AGBL1: variants seen among roughly 807,000 people sequenced by gnomAD.
The protein encoded by AGBL1 is cytosolic carboxypeptidase 4.
A neutral mutation model predicts 118.9 loss-of-function variants in AGBL1; 130 were observed. The observed-to-expected ratio is 1.09, with a 90% confidence interval of 0.95 to 1.26. The LOEUF is 1.26. AGBL1 is among the 50% of genes most tolerant of loss of function. AGBL1 has a pLI of 0.00. For missense variants in AGBL1, 1,584 were observed against 1,298.1 expected, an observed-to-expected ratio of 1.22 and a Z score of -3.38; for synonymous variants, 555 against 478.9, an observed-to-expected ratio of 1.16 and a Z score of -2.08.
chr15:86,630,837 G>A (rs1034585474), intron 21 of AGBL1, among the ~76,000 whole-genome samples: 2 of 152,218 alleles, frequency 1.3e-5, no homozygotes, highest in Non-Finnish European at 2.9e-5. Flanking sequence ...GTAGAGGTAA[G>A]TAAAAGCAAA....
intron 6 of AGBL1, among the ~76,000 whole-genome samples, chr15:86,245,907 G>C (rs1346672572): frequency 6.7e-6 from 1 of 149,940 alleles, no homozygotes; most frequent in African/African-American, 2.5e-5. Flanking sequence ...TTCTTTCTTT[G>C]TTTTTTTTTC....
chr15:86,554,600 A>G, intron 21 of AGBL1, 63 bp downstream of exon 21: 1 of 1,353,700 alleles, frequency 7.4e-7, no homozygotes, highest in Non-Finnish European at 9.6e-7. Flanking sequence ...AATTATAGAC[A>G]GCTCGTACCT....
intron 17 of AGBL1, among the ~76,000 whole-genome samples, chr15:86,393,939 A>T (rs1208462042): frequency 6.6e-6 from 1 of 152,174 alleles, no homozygotes; most frequent in Non-Finnish European, 1.5e-5. Flanking sequence ...GTGAAGACAC[A>T]GTAAAAAGAA....
intron 18 of AGBL1, among the ~76,000 whole-genome samples, chr15:86,466,608 A>C (rs922703367): frequency 1.3e-5 from 2 of 151,852 alleles, no homozygotes; most frequent in Non-Finnish European, 2.9e-5. Context: ...TTTTGTGCTG[A>C]TTTTTCCTCA....
intron 22 of AGBL1, among the ~76,000 whole-genome samples, chr15:86,723,428 TCTCA>T (rs2086765894): frequency 6.6e-6 from 1 of 152,100 alleles, no homozygotes; most frequent in African/African-American, 2.4e-5. Context: ...CACCACATGT[TCTCA>T]CTCCTAGGTG....
At chr15:86,786,248 C>T (rs1195668263) in intron 22 of AGBL1, among the ~76,000 whole-genome samples, 2 of 151,888 alleles carry the variant, frequency 1.3e-5, no homozygotes, top group East Asian at 3.9e-4. Flanking sequence ...TAAAGCTATC[C>T]CTCCCCCTTC....
chr15:86,554,745 C>A (rs2083709317), intron 21 of AGBL1, among the ~76,000 whole-genome samples: 1 of 152,120 alleles, frequency 6.6e-6, no homozygotes, highest in African/African-American at 2.4e-5. Context: ...GCATGCTTTC[C>A]AATTTGGTTC....
chr15:86,365,544 GT>G, intron 17 of AGBL1, among the ~76,000 whole-genome samples: 1 of 152,240 alleles, frequency 6.6e-6, no homozygotes, highest in Middle Eastern at 3.4e-3. Flanking sequence ...CGGAGAGTGG[GT>G]AATTGAATTT....
chr15:86,143,451 C>T lies in AGBL1; in HGVS notation c.116-248C>T, dbSNP rs148060268. Reference sequence around the variant, plus strand: ...TATTCAACAGAATCTCAGATAAGCTCTATTTATTACAGCTGTTGCAGCTGA... The same window carrying T: ...TATTCAACAGAATCTCAGATAAGCTTTATTTATTACAGCTGTTGCAGCTGA... On this transcript the variant is annotated intron_variant, in intron 2 of 22. Transcript: ENST00000614907. Among the ~76,000 whole-genome samples, 3 of 152,282 alleles carry T rather than the reference C, an allele frequency of 2.0e-5. No homozygotes were observed. In the South Asian group the frequency reaches 6.2e-4, roughly 32 times the overall value.
chr15:86,707,017 G>A (rs1388899010), intron 22 of AGBL1, among the ~76,000 whole-genome samples: 1 of 152,114 alleles, frequency 6.6e-6, no homozygotes, highest in Non-Finnish European at 1.5e-5. Context: ...TGATAATGAT[G>A]ATGCAACATG....
intron 18 of AGBL1, among the ~76,000 whole-genome samples, chr15:86,417,051 C>A (rs972127886): frequency 6.6e-6 from 1 of 152,182 alleles, no homozygotes; most frequent in Admixed American, 6.6e-5. Flanking sequence ...GAGAACTTAA[C>A]GTCTAGTTCA....
intron 23 of AGBL1, among the ~76,000 whole-genome samples, chr15:86,964,991 G>A (rs190955831): frequency 1.8e-4 from 27 of 152,128 alleles, no homozygotes; most frequent in East Asian, 1.2e-3. Context: ...ATAGTATTCC[G>A]TGGTGTATAT....
Position 86,655,805 on chromosome 15 carries a change from A to G in AGBL1, c.2995-18468A>G, listed in dbSNP as rs184191315. 1.3e-3 allele frequency among the ~76,000 whole-genome samples: 203 copies of G among 152,260 alleles called. 2 individuals carry two copies. In the Middle Eastern group the frequency reaches 0.017, roughly 13 times the overall value. On this transcript the variant is annotated intron_variant, in intron 21 of 22. Coordinates refer to ENST00000614907, the MANE Select transcript of AGBL1 (RefSeq NM_001386094.1). ...CATTAGGAGGAGAAATACCTGGGAG[A>G]GGTGGAGTAGGGATAAACATTATGA...
At chr15:86,594,748 A>G (rs2084383448) in intron 21 of AGBL1, among the ~76,000 whole-genome samples, 1 of 152,240 alleles carries the variant, frequency 6.6e-6, no homozygotes, top group African/African-American at 2.4e-5. Flanking sequence ...ATTGGAACAT[A>G]GTTTTACATC....
intron 17 of AGBL1, among the ~76,000 whole-genome samples, chr15:86,384,806 C>T (rs766996241): frequency 2.0e-5 from 3 of 151,898 alleles, no homozygotes; most frequent in Non-Finnish European, 2.9e-5. Context: ...AATAAGAAGG[C>T]GAGATTACCC....
intron 1 of AGBL1, among the ~76,000 whole-genome samples, chr15:86,139,024 C>CGGAGGGA (rs1366216675): frequency 6.6e-6 from 1 of 152,100 alleles, no homozygotes; most frequent in African/African-American, 2.4e-5. Flanking sequence ...TCATAGACTA[C>CGGAGGGA]GGAGGGAGAG....
intron 5 of AGBL1, among the ~76,000 whole-genome samples, chr15:86,214,235 T>G (rs1232599082): frequency 6.6e-6 from 1 of 152,216 alleles, no homozygotes; most frequent in African/African-American, 2.4e-5. Context: ...GCCTGCTCTG[T>G]GCTGTGCATT....
At chr15:86,271,189 T>A (rs543638610) in intron 14 of AGBL1, among the ~76,000 whole-genome samples, 94 of 152,032 alleles carry the variant, frequency 6.2e-4, no homozygotes, top group Non-Finnish European at 1.1e-3. Flanking sequence ...TAGCTGGGAC[T>A]ACAGGCATGT....
intron 22 of AGBL1, among the ~76,000 whole-genome samples, chr15:86,792,341 A>G (rs1203688446): frequency 6.6e-6 from 1 of 152,122 alleles, no homozygotes; most frequent in Non-Finnish European, 1.5e-5. Context: ...GTTTATTAGC[A>G]AGGAGTACTC....
Sources: allele counts gnomAD v4.1 joint callset (sites outside exome capture counted in the v4.1 genomes callset), GRCh38; gene constraint gnomAD v4.1.1; transcripts MANE v1.5; gene names NCBI Gene and HGNC (gene_info 2026-07-23, HGNC 2026-07-21).